The following SLC2A11 variants were observed in gnomAD, a reference collection of about 807,000 sequenced individuals.
The protein encoded by SLC2A11 is solute carrier family 2 member 11.
In SLC2A11, 43 loss-of-function variants were observed where a neutral mutation model predicts 52.1. That is an observed-to-expected ratio of 0.82 (90% CI 0.65 to 1.06). The LOEUF (loss-of-function observed/expected upper bound fraction) is 1.06. SLC2A11 is among the 50% of genes least tolerant of loss of function. The pLI is 0.00. For missense variants in SLC2A11, 582 were observed against 654.2 expected (o/e 0.89, Z 1.20); for synonymous variants, 261 against 277.6 (o/e 0.94, Z 0.59).
intron 3 of SLC2A11, chr22:23,870,244 G>A: frequency 3.7e-6 from 2 of 542,730 alleles, no homozygotes; most frequent in Non-Finnish European, 6.5e-6. Flanking sequence ...TGGTACAGTT[G>A]GCATAAGCAT....
intron 2 of SLC2A11, among the ~76,000 whole-genome samples, chr22:23,864,777 A>G (rs1004983136): frequency 6.6e-6 from 1 of 152,004 alleles, no homozygotes; most frequent in Non-Finnish European, 1.5e-5. Flanking sequence ...GGCTTCCCCT[A>G]CCCTGCTGAA....
At chr22:23,877,978 C>A in intron 6 of SLC2A11, 109 bp downstream of exon 6, 1 of 1,316,794 alleles carries the variant, frequency 7.6e-7, no homozygotes, top group Non-Finnish European at 1.0e-6. Context: ...AAAAGCTATC[C>A]CTCTCTTTGT....
chr22:23,882,317 G>C (rs1001634617), intron 6 of SLC2A11, 142 bp from the exon 7 acceptor site: 22 of 683,254 alleles, frequency 3.2e-5, no homozygotes, highest in South Asian at 7.9e-5. Context: ...CAGAGAGAGA[G>C]ACACACACAC....
intron 3 of SLC2A11, chr22:23,870,225 CATG>C (rs1395531520): frequency 2.2e-5 from 13 of 578,658 alleles, no homozygotes; most frequent in East Asian, 1.8e-4. Context: ...GCGGCTATCT[CATG>C]ATACCTGGTA....
At chr22:23,863,607 G>GTTTTTTTTT (rs1568985269) in intron 2 of SLC2A11, among the ~76,000 whole-genome samples, 2 of 113,166 alleles carry the variant, frequency 1.8e-5, no homozygotes, top group Admixed American at 9.1e-5. Context: ...CTCTCTCTCT[G>GTTTTTTTTT]GTTTTTTTTT....
At position 23,857,969 on chromosome 22, in the gene SLC2A11, A is replaced by C; in HGVS notation, c.-31A>C. The C allele has an allele frequency of 6.9e-6, 11 of 1,592,104 alleles. No homozygotes were observed. The highest frequency in any genetic ancestry group is 9.4e-6 in the Non-Finnish European group (11 of 1,170,934). ...ATGGCAGCCGGGGTCTCCCTGGGAC[A>C]GCAAGACCTCCGCTCAGGCCCCTCT... is the stretch of plus-strand genomic sequence containing the variant. On this transcript the variant is annotated 5_prime_UTR_variant, in exon 1 of 12. Transcript: ENST00000316185.
At chr22:23,857,506 A>T, upstream of SLC2A11, 1 of 1,613,368 alleles carries the variant, frequency 6.2e-7, no homozygotes, top group South Asian at 1.1e-5. Context: ...GATGAACTGG[A>T]GCCGTCCTTA....
chr22:23,883,698 C>T, intron 8 of SLC2A11, 74 bp from the exon 9 acceptor site: 1 of 1,259,210 alleles, frequency 7.9e-7, no homozygotes, highest in South Asian at 1.7e-5. Flanking sequence ...TCTCAGGAGA[C>T]CCCTTCCCAT....
At chr22:23,861,549 C>T (rs1037479465) in intron 1 of SLC2A11, among the ~76,000 whole-genome samples, 1 of 152,226 alleles carries the variant, frequency 6.6e-6, no homozygotes, top group African/African-American at 2.4e-5. Context: ...GCCATTTATG[C>T]TGCCTCTCTA....
chr22:23,857,910 C>T lies in SLC2A11; in HGVS notation c.-90C>T. Reference sequence around the variant, plus strand: ...ACTGGGCGCTGCGCGCTGCCCTTCCCTCCGCGCACAGGCTGCCGGCTCACC... The same window carrying T: ...ACTGGGCGCTGCGCGCTGCCCTTCCTTCCGCGCACAGGCTGCCGGCTCACC... On this transcript the variant is annotated 5_prime_UTR_variant, in exon 1 of 12. Coordinates refer to ENST00000316185, the MANE Select transcript of SLC2A11 (RefSeq NM_001024939.4). The T allele has an allele frequency of 1.9e-6, 3 of 1,580,626 alleles. No homozygotes were observed. Among genetic ancestry groups the T allele is most frequent in the South Asian group, 1.2e-5 (1 of 86,286 alleles).
intron 1 of SLC2A11, 36 bp from the exon 2 acceptor site, chr22:23,862,065 CTGT>C (rs1568984162): frequency 1.3e-6 from 2 of 1,546,170 alleles, no homozygotes; most frequent in Non-Finnish European, 1.8e-6. Context: ...GGGGTGGAGG[CTGT>C]TGTTGGTCAC....
upstream of SLC2A11, chr22:23,857,782 G>C (rs771270904): frequency 2.1e-6 from 3 of 1,435,024 alleles, no homozygotes; most frequent in South Asian, 1.4e-5. Flanking sequence ...CCCTCAGCTG[G>C]TGCGGCCGCT....
chr22:23,861,206 C>G (rs1291471774), intron 1 of SLC2A11, among the ~76,000 whole-genome samples: 1 of 145,020 alleles, frequency 6.9e-6, no homozygotes, highest in East Asian at 2.0e-4. Flanking sequence ...TCTTAAACTT[C>G]TGACATTGTG....
upstream of SLC2A11, chr22:23,857,578 C>CCT (rs1555884635): frequency 1.1e-6 from 1 of 922,756 alleles, no homozygotes; most frequent in African/African-American, 3.1e-5. Context: ...TGACCCCAAA[C>CCT]CCCCCCCCCG....
intron 3 of SLC2A11, chr22:23,869,207 G>T (rs1487693601): frequency 6.5e-6 from 1 of 153,674 alleles, no homozygotes; most frequent in East Asian, 1.9e-4. Flanking sequence ...CTAGGAATGG[G>T]CTGGGTGCAG....
chr22:23,868,642 G>A lies in SLC2A11; in HGVS notation c.290+1G>A, dbSNP rs780176649. Reference sequence around the variant, plus strand: ...GTCCCTTGGCCATCACGCTGGGAAGGTAAGTGCTTCCTGCATACCCCCTGA... The same window carrying A: ...GTCCCTTGGCCATCACGCTGGGAAGATAAGTGCTTCCTGCATACCCCCTGA... On this transcript the variant is annotated splice_donor_variant, in intron 3 of 11. Transcript: ENST00000316185. LOFTEE classifies it high-confidence loss of function. 1.2e-6 allele frequency: 2 copies of A among 1,614,026 alleles called. No individual in the cohort carries two copies. Among genetic ancestry groups the A allele is most frequent in the South Asian group, 1.1e-5 (1 of 91,080 alleles).
At chr22:23,872,745 G>A (rs1332215957) in intron 3 of SLC2A11, 1 of 152,220 alleles carries the variant, frequency 6.6e-6, no homozygotes, top group Non-Finnish European at 1.5e-5. Flanking sequence ...GGGGACCAAG[G>A]TGCAGCAATT....
At chr22:23,877,524 G>A in intron 5 of SLC2A11, 197 bp from the exon 6 acceptor site, 2 of 794,588 alleles carry the variant, frequency 2.5e-6, no homozygotes, top group Non-Finnish European at 4.4e-6. Context: ...CTAGGGATGA[G>A]GTGGGGCAGT....
chr22:23,883,082 A>C (rs9608214), intron 8 of SLC2A11: 34,320 of 636,692 alleles, frequency 0.054, 1,495 homozygotes, highest in Non-Finnish European at 0.064. Context: ...AACACAGTGA[A>C]ACCCCCGTCT....
Sources: allele counts gnomAD v4.1 joint callset (sites outside exome capture counted in the v4.1 genomes callset), GRCh38; gene constraint gnomAD v4.1.1; transcripts MANE v1.5; gene names NCBI Gene and HGNC (gene_info 2026-07-23, HGNC 2026-07-21).